The following SLC9C1 variants were observed in gnomAD, a reference collection of about 807,000 sequenced individuals.
SLC9C1 encodes the protein solute carrier family 9 member C1.
A neutral mutation model predicts 140.9 loss-of-function variants in SLC9C1; 97 were observed. That is an observed-to-expected ratio of 0.69 (90% CI 0.58 to 0.82). The LOEUF is 0.82. Among genes scored for constraint, SLC9C1 ranks in the 40% least tolerant of loss-of-function variants. The pLI is 0.00. For missense variants in SLC9C1, 1,340 were observed against 1,389.3 expected, an observed-to-expected ratio of 0.96 and a Z score of 0.56; for synonymous variants, 440 against 442.6, an observed-to-expected ratio of 0.99 and a Z score of 0.07.
At chr3:112,237,460 A>G (rs964805045) in intron 12 of SLC9C1, among the ~76,000 whole-genome samples, 1 of 152,134 alleles carries the variant, frequency 6.6e-6, no homozygotes, top group Non-Finnish European at 1.5e-5. Context: ...ATTTACATTT[A>G]AGGTTAATAT....
In SLC9C1 at chr3:112,226,724, C is replaced by G. The variant is rs570644919; in HGVS notation, c.1572+4637G>C. On this transcript the variant is annotated intron_variant, in intron 13 of 28. Transcript: ENST00000305815. Reference sequence around the variant, plus strand: ...GCGATAGAGTAAGACTCCATCCCCCCCCATCCCCCCACACACAAAAGTTCA... The same window carrying G: ...GCGATAGAGTAAGACTCCATCCCCCGCCATCCCCCCACACACAAAAGTTCA... Among the ~76,000 whole-genome samples, 14 of 4,890 alleles carry G rather than the reference C, an allele frequency of 2.9e-3. No individual in the cohort carries two copies. The South Asian group carries it at 0.33, about 116-fold the overall frequency. The allele number at this position is 4,890 out of a possible 152,430, so 3.2% of individuals were successfully genotyped here.
chr3:112,162,076 GT>G (rs1270677434), intron 26 of SLC9C1, among the ~76,000 whole-genome samples: 2 of 152,144 alleles, frequency 1.3e-5, no homozygotes, highest in Non-Finnish European at 2.9e-5. Flanking sequence ...CTGTTTGTCT[GT>G]TGTTGGTGTA....
chr3:112,212,720 C>G (rs1173809809), intron 15 of SLC9C1, among the ~76,000 whole-genome samples: 1 of 152,174 alleles, frequency 6.6e-6, no homozygotes, highest in East Asian at 1.9e-4. Context: ...AAGACCAAAT[C>G]TACATCCGAT....
intron 28 of SLC9C1, among the ~76,000 whole-genome samples, chr3:112,148,720 A>T (rs1205306673): frequency 6.6e-6 from 1 of 152,178 alleles, no homozygotes; most frequent in Non-Finnish European, 1.5e-5. Context: ...CTAATTCCTA[A>T]TATGCACAGT....
rs533754356 is a variant in SLC9C1 at position 112,172,580 on chromosome 3, T to C, written c.2920-3252A>G. Among the ~76,000 whole-genome samples the C allele has an allele frequency of 8.5e-5, 13 of 152,196 alleles. No homozygotes were observed. The South Asian group carries it at 2.1e-3, about 24-fold the overall frequency. On this transcript the variant is annotated intron_variant, in intron 23 of 28. Transcript: ENST00000305815. ...ATTGTACTAGTTAACAACTCCAATATAATACTGAATGGAAGTGGTGAGAGT... is the reference window on the plus strand; with the variant it reads ...ATTGTACTAGTTAACAACTCCAATACAATACTGAATGGAAGTGGTGAGAGT...
intron 28 of SLC9C1, chr3:112,151,428 G>A (rs564054061): frequency 5.8e-6 from 3 of 519,088 alleles, no homozygotes; most frequent in East Asian, 5.4e-5. Flanking sequence ...TTCAGCTGGT[G>A]TTATCCACAG....
chr3:112,231,223 T>C, intron 13 of SLC9C1, 138 bp downstream of exon 13: 1 of 893,838 alleles, frequency 1.1e-6, no homozygotes, highest in Non-Finnish European at 1.6e-6. Flanking sequence ...TCAAGCAGAT[T>C]CCTAAGACAA....
chr3:112,173,270 T>C (rs2107931782), intron 23 of SLC9C1, among the ~76,000 whole-genome samples: 1 of 152,292 alleles, frequency 6.6e-6, no homozygotes, highest in African/African-American at 2.4e-5. Context: ...TTGACGTGTG[T>C]GCTTTTTAAA....
At chr3:112,285,463 G>A (rs1004429735) in intron 2 of SLC9C1, among the ~76,000 whole-genome samples, 3 of 152,192 alleles carry the variant, frequency 2.0e-5, no homozygotes, top group African/African-American at 7.2e-5. Flanking sequence ...CCAGTCCTGA[G>A]CTCCTGAGCT....
chr3:112,239,369 T>C (rs1174018408), intron 12 of SLC9C1, among the ~76,000 whole-genome samples: 1 of 152,186 alleles, frequency 6.6e-6, no homozygotes, highest in African/African-American at 2.4e-5. Context: ...TTTGCTTGGC[T>C]ACGAAACGGA....
At chr3:112,273,612 T>C (rs980639496) in intron 6 of SLC9C1, among the ~76,000 whole-genome samples, 1 of 152,096 alleles carries the variant, frequency 6.6e-6, no homozygotes, top group African/African-American at 2.4e-5. Context: ...GGAAAGAATA[T>C]TCTTCACTTC....
chr3:112,141,375 A>G (rs1492480), intron 28 of SLC9C1, 94 bp from the exon 29 acceptor site: 536,386 of 1,323,164 alleles, frequency 0.41, 109,539 homozygotes, highest in Admixed American at 0.46. Context: ...CTAGAGGGTC[A>G]ATTTGACTCC....
chr3:112,255,600 TTA>T (rs1409298798), intron 10 of SLC9C1, among the ~76,000 whole-genome samples: 1 of 152,010 alleles, frequency 6.6e-6, no homozygotes, highest in Non-Finnish European at 1.5e-5. Context: ...AGAGAGAAAT[TTA>T]TATCATGAAA....
chr3:112,186,445 CAATT>C (rs1306625183), intron 20 of SLC9C1, among the ~76,000 whole-genome samples: 8 of 151,642 alleles, frequency 5.3e-5, no homozygotes, highest in Non-Finnish European at 8.8e-5. Flanking sequence ...AAAACAAAAA[CAATT>C]AAAACAAAAT....
At chr3:112,215,754 C>A (rs139670925) in intron 15 of SLC9C1, among the ~76,000 whole-genome samples, 284 of 152,236 alleles carry the variant, frequency 1.9e-3, no homozygotes, top group African/African-American at 6.3e-3. Flanking sequence ...TAGGAAGAAT[C>A]AATATTGTTA....
intron 12 of SLC9C1, among the ~76,000 whole-genome samples, chr3:112,237,105 T>C (rs2079008736): frequency 6.6e-6 from 1 of 152,178 alleles, no homozygotes; most frequent in African/African-American, 2.4e-5. Flanking sequence ...AGTCTAAGTC[T>C]CTTTGTAGGT....
chr3:112,270,220 G>A, intron 6 of SLC9C1, 143 bp from the exon 7 acceptor site: 3 of 731,626 alleles, frequency 4.1e-6, no homozygotes, highest in Non-Finnish European at 6.1e-6. Flanking sequence ...AGATATCCCT[G>A]GGACATATTG....
intron 15 of SLC9C1, among the ~76,000 whole-genome samples, chr3:112,216,928 CACA>C (rs1317675762): frequency 6.6e-6 from 1 of 152,096 alleles, no homozygotes; most frequent in Non-Finnish European, 1.5e-5. Flanking sequence ...TGGCACTATT[CACA>C]ATAGCAAAGA....
At chr3:112,268,401 T>C (rs1176023854) in intron 7 of SLC9C1, among the ~76,000 whole-genome samples, 1 of 152,226 alleles carries the variant, frequency 6.6e-6, no homozygotes, top group African/African-American at 2.4e-5. Flanking sequence ...AGAATAGTTT[T>C]TCTATGCTTC....
Sources: allele counts gnomAD v4.1 joint callset (sites outside exome capture counted in the v4.1 genomes callset), GRCh38; gene constraint gnomAD v4.1.1; transcripts MANE v1.5; gene names NCBI Gene and HGNC (gene_info 2026-07-23, HGNC 2026-07-21).